WDR93: variants seen among roughly 807,000 people sequenced by gnomAD.
The protein encoded by WDR93 is WD repeat-containing protein 93.
In WDR93, 73 loss-of-function variants were observed where a neutral mutation model predicts 82.9. The ratio of observed to expected loss-of-function variants is 0.88; its 90% CI spans 0.73 to 1.07. The LOEUF (loss-of-function observed/expected upper bound fraction) is 1.07. Among genes scored for constraint, WDR93 ranks in the 50% least tolerant of loss-of-function variants. WDR93 has a pLI of 0.00. For synonymous variants in WDR93, 283 were observed against 300.1 expected, an observed-to-expected ratio of 0.94 and a Z score of 0.59; for missense variants, 738 against 826.0, an observed-to-expected ratio of 0.89 and a Z score of 1.31.
chr15:89,721,961 C>T (rs1966545876), intron 7 of WDR93, 94 bp from the exon 8 acceptor site: 51 of 817,298 alleles, frequency 6.2e-5, no homozygotes, highest in Admixed American at 9.6e-5. Context: ...TTCTTTTTCC[C>T]CTTCTTTTCC....
At chr15:89,702,791 G>A (rs1022670971) in intron 2 of WDR93, among the ~76,000 whole-genome samples, 159 bp from the exon 3 acceptor site, 3 of 152,034 alleles carry the variant, frequency 2.0e-5, no homozygotes, top group South Asian at 4.1e-4. Context: ...TGCCCACCTC[G>A]GCCTCCCAAA....
chr15:89,720,506 C>CAG (rs1966481626), intron 7 of WDR93, among the ~76,000 whole-genome samples: 2 of 152,038 alleles, frequency 1.3e-5, no homozygotes, highest in African/African-American at 2.4e-5. Flanking sequence ...CTCCTGACCT[C>CAG]GTGATTCGCC....
intron 14 of WDR93, among the ~76,000 whole-genome samples, chr15:89,736,460 G>T (rs1366584709): frequency 1.3e-5 from 2 of 152,124 alleles, no homozygotes; most frequent in Admixed American, 1.3e-4. Flanking sequence ...CGTACAGCAG[G>T]TTCCCCTTGT....
intron 4 of WDR93, among the ~76,000 whole-genome samples, chr15:89,710,469 G>A (rs1366725444): frequency 2.6e-5 from 4 of 152,180 alleles, no homozygotes; most frequent in Non-Finnish European, 5.9e-5. Flanking sequence ...AACTTTCTAG[G>A]ATAATGGTAA....
At chr15:89,735,695 A>C (rs1199463394) in intron 14 of WDR93, 142 bp downstream of exon 14, 1 of 811,594 alleles carries the variant, frequency 1.2e-6, no homozygotes, top group Non-Finnish European at 2.0e-6. Context: ...TACAAATAGA[A>C]AGAGAAAGAA....
At position 89,701,736 on chromosome 15, in the gene WDR93, C is replaced by T. The variant is rs768771955; in HGVS notation, c.-11C>T. The T allele has an allele frequency of 6.2e-7, 1 of 1,603,212 alleles. No homozygotes were observed. The highest frequency in any genetic ancestry group is 8.5e-7 in the Non-Finnish European group (1 of 1,172,032). On this transcript the variant is annotated 5_prime_UTR_variant, in exon 2 of 17. Coordinates refer to ENST00000268130, the MANE Select transcript of WDR93 (RefSeq NM_020212.2). ...TCAGTTTCATAGAGGTTCCCAGTGCCACCTTCTGTGATGTCATTCCCAAGA... is the reference window on the plus strand; with the variant it reads ...TCAGTTTCATAGAGGTTCCCAGTGCTACCTTCTGTGATGTCATTCCCAAGA...
rs115319348 is a variant in WDR93, at chr15:89,716,538, C to T, written c.757-373C>T. On this transcript the variant is annotated intron_variant, in intron 6 of 16. Transcript: ENST00000268130. The stretch of plus-strand genomic sequence containing the variant: ...AGTTACAGTGGTAGTTCTTTTACTA[C>T]GAATTATATTTAGAGTTACTTAAAT... Among the ~76,000 whole-genome samples, 1,135 of 152,298 alleles carry T rather than the reference C, an allele frequency of 7.5e-3. 17 individuals carry two copies. The highest frequency in any genetic ancestry group is 0.026 in the African/African-American group (1,088 of 41,550).
At chr15:89,697,340 T>G (rs1187609929) in intron 1 of WDR93, among the ~76,000 whole-genome samples, 1 of 152,172 alleles carries the variant, frequency 6.6e-6, no homozygotes, top group Non-Finnish European at 1.5e-5. Flanking sequence ...GCAATCCCAT[T>G]CCTGAGTATC....
intron 8 of WDR93, among the ~76,000 whole-genome samples, chr15:89,725,377 C>A (rs1020286603): frequency 6.6e-6 from 1 of 151,988 alleles, no homozygotes; most frequent in South Asian, 2.1e-4. Context: ...TAGAATCAGG[C>A]AAAATGAAAC....
At chr15:89,719,266 T>G (rs1966409260) in intron 7 of WDR93, among the ~76,000 whole-genome samples, 1 of 152,178 alleles carries the variant, frequency 6.6e-6, no homozygotes. Context: ...TTTTAAAAAT[T>G]TTTATAGAAA....
In WDR93 at chr15:89,700,501, TA is replaced by T. The variant is rs546040734; in HGVS notation, c.-40-1205del. Among the ~76,000 whole-genome samples the T allele has an allele frequency of 6.8e-3, 1,027 of 151,864 alleles. 12 individuals carry two copies. Among genetic ancestry groups the T allele is most frequent in the African/African-American group, 0.024 (986 of 41,422 alleles). Reference sequence around the variant, plus strand: ...AATTTATCTCATGTTCTACATTAAATATTTTTTTAAAAACTGTAACATATGA... The same window carrying T: ...AATTTATCTCATGTTCTACATTAAATTTTTTTTAAAAACTGTAACATATGA... On this transcript the variant is annotated intron_variant, in intron 1 of 16. Coordinates refer to ENST00000268130, the MANE Select transcript of WDR93 (RefSeq NM_020212.2).
chr15:89,694,927 G>A (rs1237436324), intron 1 of WDR93, among the ~76,000 whole-genome samples: 1 of 152,120 alleles, frequency 6.6e-6, no homozygotes, highest in Non-Finnish European at 1.5e-5. Flanking sequence ...ATTATTTGCT[G>A]AAAAGAATAT....
intron 2 of WDR93, 111 bp from the exon 3 acceptor site, chr15:89,702,839 A>G: frequency 8.1e-7 from 1 of 1,239,814 alleles, no homozygotes; most frequent in Non-Finnish European, 1.1e-6. Context: ...GCGTCCAGCC[A>G]GGAAATGTTA....
chr15:89,737,817 C>T, intron 15 of WDR93, 88 bp downstream of exon 15: 1 of 1,555,268 alleles, frequency 6.4e-7, no homozygotes, highest in Non-Finnish European at 8.8e-7. Context: ...CGATCTCCTC[C>T]CCACTCTGTG....
rs764072763 is a variant in WDR93 at position 89,712,056 on chromosome 15, A to C, written c.592A>C (p.Lys198Gln). The C allele has an allele frequency of 1.9e-6, 3 of 1,613,348 alleles. No individual in the cohort carries two copies. Among genetic ancestry groups the C allele is most frequent in the South Asian group, 2.2e-5 (2 of 90,956 alleles). ...DDTSKQTTCI[K>Q]MEISQGGDFA... Reference sequence around the variant, plus strand: ...TACCAGCAAGCAAACTACCTGTATAAAGATGGAGATCTCTCAAGGAGGGGA... The same window carrying C: ...TACCAGCAAGCAAACTACCTGTATACAGATGGAGATCTCTCAAGGAGGGGA... The change falls in exon 5 of 17, where the codon AAG becomes CAG. Residue 198 changes from lysine (K) to glutamine (Q), a missense_variant. Transcript: ENST00000268130.
rs1965479867 is a variant in WDR93, at chr15:89,701,834, G to A, written c.88G>A (p.Glu30Lys). The change falls in exon 2 of 17, where the codon GAG becomes AAG. Residue 30 changes from glutamate to lysine, a missense_variant. Transcript: ENST00000268130. The stretch of plus-strand genomic sequence containing the variant: ...ACCATTGGAGGTGCCACCCCCAACA[G>A]AGAAGGACTGGCCTAAAGACGATGA... ...KGPLEVPPPTEKDWPKDDEQD... is the reference protein window; with the variant it reads ...KGPLEVPPPTKKDWPKDDEQD... 1 of 1,614,068 alleles carries A rather than the reference G, an allele frequency of 6.2e-7. No individual in the cohort carries two copies. The highest frequency in any genetic ancestry group is 8.5e-7 in the Non-Finnish European group (1 of 1,180,050).
chr15:89,733,412 C>T (rs1966911704), intron 13 of WDR93, among the ~76,000 whole-genome samples, 193 bp downstream of exon 13: 1 of 152,190 alleles, frequency 6.6e-6, no homozygotes, highest in Admixed American at 6.5e-5. Context: ...TATGATAGCA[C>T]AGATGACATC....
chr15:89,690,606 G>C, upstream of WDR93: 1 of 1,551,480 alleles, frequency 6.4e-7, no homozygotes, highest in Non-Finnish European at 8.7e-7. Flanking sequence ...CCTGGGTCTG[G>C]TTGGTGAAGC....
At chr15:89,712,864 C>T (rs1966057318) in intron 5 of WDR93, among the ~76,000 whole-genome samples, 3 of 152,096 alleles carry the variant, frequency 2.0e-5, no homozygotes, top group Admixed American at 6.5e-5. Context: ...GTGGCTCACG[C>T]CTGTAATTCC....
Sources: gnomAD v4.1 joint callset for allele counts (sites outside exome capture counted in the v4.1 genomes callset) on GRCh38, gnomAD v4.1.1 for gene constraint, MANE v1.5 for transcripts, NCBI Gene and HGNC (gene_info 2026-07-23, HGNC 2026-07-21) for gene names.